KCNH5: variants seen among roughly 807,000 people sequenced by gnomAD.
KCNH5 encodes voltage-gated delayed rectifier potassium channel KCNH5.
Under a neutral mutation model 96.1 loss-of-function variants are expected in KCNH5, and 46 were observed. That is an observed-to-expected ratio of 0.48 (90% confidence interval 0.38 to 0.61). The LOEUF (loss-of-function observed/expected upper bound fraction) is 0.61. Ranked by LOEUF, KCNH5 falls within the 20% of genes least tolerant of loss-of-function variation. The pLI, the probability that KCNH5 is intolerant of heterozygous loss-of-function variation, is 0.00. For missense variants in KCNH5, 907 were observed against 1,225.8 expected, an observed-to-expected ratio of 0.74 and a Z score of 3.88; for synonymous variants, 439 against 449.8, an observed-to-expected ratio of 0.98 and a Z score of 0.30.
intron 4 of KCNH5, among the ~76,000 whole-genome samples, chr14:62,998,075 G>A (rs1054937211): frequency 2.0e-5 from 3 of 151,904 alleles, no homozygotes; most frequent in South Asian, 2.1e-4. Context: ...TTCCCTAAAC[G>A]TATGGTAGCG....
intron 8 of KCNH5, among the ~76,000 whole-genome samples, chr14:62,810,803 T>C (rs1029158895): frequency 2.0e-5 from 3 of 152,156 alleles, no homozygotes; most frequent in Admixed American, 2.0e-4. Flanking sequence ...GGAGTAGCCA[T>C]TCTTTCACTC....
chr14:62,699,536 A>G lies in KCNH5; in HGVS notation c.*7972T>C, dbSNP rs908586569. On this transcript the variant is annotated 3_prime_UTR_variant, in exon 11 of 11. Coordinates refer to ENST00000322893, the MANE Select transcript of KCNH5 (RefSeq NM_139318.5). ...TTTAAATAAAGTGTGAAAAAAAGCA[A>G]AGTTAGTCCTCCCTGATGAAATACA... The G allele has an allele frequency of 6.6e-6, 1 of 152,186 alleles. No individual in the cohort carries two copies. Among genetic ancestry groups the G allele is most frequent in the Admixed American group, 6.5e-5 (1 of 15,282 alleles). The allele number at this position is 152,186 out of a possible 1,614,324, so 9.4% of individuals were successfully genotyped here. A position where few individuals can be genotyped will look rare whatever the true frequency, so the allele number is the denominator to read the frequency against.
At chr14:62,774,805 T>C (rs1886062076) in intron 10 of KCNH5, among the ~76,000 whole-genome samples, 1 of 152,194 alleles carries the variant, frequency 6.6e-6, no homozygotes, top group African/African-American at 2.4e-5. Context: ...TGTGTTCTTA[T>C]TATTGAAAAA....
chr14:63,044,721 CA>C (rs537668813), intron 1 of KCNH5, among the ~76,000 whole-genome samples: 1 of 152,336 alleles, frequency 6.6e-6, no homozygotes, highest in East Asian at 1.9e-4. Context: ...GAAACCTTTC[CA>C]CTGAGATTAA....
At chr14:62,832,210 A>G (rs1000790300) in intron 8 of KCNH5, among the ~76,000 whole-genome samples, 1 of 152,236 alleles carries the variant, frequency 6.6e-6, no homozygotes, top group Non-Finnish European at 1.5e-5. Context: ...AGTAATAATT[A>G]TAAGCATAAT....
intron 7 of KCNH5, among the ~76,000 whole-genome samples, chr14:62,899,421 G>A (rs1019979081): frequency 2.0e-5 from 3 of 151,714 alleles, no homozygotes; most frequent in African/African-American, 7.3e-5. Flanking sequence ...AAATGATCTC[G>A]CCAAAAAATA....
chr14:62,816,414 C>G (rs950493914), intron 8 of KCNH5, among the ~76,000 whole-genome samples: 3 of 151,930 alleles, frequency 2.0e-5, no homozygotes, highest in Admixed American at 2.0e-4. Context: ...ACAAGCTCTT[C>G]CTTTCACTCT....
intron 10 of KCNH5, among the ~76,000 whole-genome samples, chr14:62,711,351 C>G (rs1165405891): frequency 2.6e-5 from 4 of 152,068 alleles, no homozygotes; most frequent in Admixed American, 1.3e-4. Context: ...GATTTCTCAC[C>G]TATACTAGGG....
At chr14:63,019,725 T>C (rs1417589749) in intron 1 of KCNH5, among the ~76,000 whole-genome samples, 2 of 152,052 alleles carry the variant, frequency 1.3e-5, no homozygotes, top group Non-Finnish European at 2.9e-5. Flanking sequence ...ATTATAAACC[T>C]TCTAGAAGAA....
intron 7 of KCNH5, among the ~76,000 whole-genome samples, chr14:62,891,019 T>C (rs1888701169): frequency 6.6e-6 from 1 of 152,170 alleles, no homozygotes; most frequent in South Asian, 2.1e-4. Context: ...GAGCTAAAAG[T>C]AGAACTGCCA....
intron 6 of KCNH5, among the ~76,000 whole-genome samples, chr14:62,961,990 GA>G (rs1372922106): frequency 6.6e-6 from 1 of 151,256 alleles, no homozygotes; most frequent in Non-Finnish European, 1.5e-5. Flanking sequence ...TAGAGATGCA[GA>G]TGCAGATGGA....
intron 1 of KCNH5, among the ~76,000 whole-genome samples, chr14:63,026,647 A>G (rs977662522): frequency 6.6e-6 from 1 of 152,118 alleles, no homozygotes; most frequent in African/African-American, 2.4e-5. Flanking sequence ...GATTAAAACC[A>G]CAATAAGATG....
chr14:62,825,837 C>T (rs962907925), intron 8 of KCNH5, among the ~76,000 whole-genome samples: 2 of 151,894 alleles, frequency 1.3e-5, no homozygotes, highest in Non-Finnish European at 1.5e-5. Context: ...TCCCTTACTT[C>T]CTCCCTCCTG....
intron 5 of KCNH5, among the ~76,000 whole-genome samples, chr14:62,986,596 C>G (rs1294397032): frequency 6.6e-6 from 1 of 152,134 alleles, no homozygotes; most frequent in African/African-American, 2.4e-5. Context: ...ACAGCCTTCC[C>G]TAGGGCCCCA....
chr14:63,038,085 C>G (rs578072529), intron 1 of KCNH5, among the ~76,000 whole-genome samples: 1 of 152,292 alleles, frequency 6.6e-6, no homozygotes, highest in East Asian at 1.9e-4. Flanking sequence ...CTGATTTGCC[C>G]TATGCAGTGT....
rs145312261 is a variant in KCNH5, at chr14:63,004,280, A to G, written c.304+2086T>C. 4.0e-3 allele frequency among the ~76,000 whole-genome samples: 608 copies of G among 152,338 alleles called. 5 individuals carry two copies. The highest frequency in any genetic ancestry group is 0.013 in the African/African-American group (543 of 41,576). On this transcript the variant is annotated intron_variant, in intron 3 of 10. Transcript: ENST00000322893. ...AGCTGCATTTAAATAGCAAAACTCC[A>G]TTATAATACATGGATAACACCTATC...
At chr14:62,770,453 T>G (rs189472172) in intron 10 of KCNH5, among the ~76,000 whole-genome samples, 1 of 152,372 alleles carries the variant, frequency 6.6e-6, no homozygotes, top group East Asian at 1.9e-4. Context: ...AATACAGGAT[T>G]GCTACTACGC....
At chr14:62,988,581 GTC>G (rs1286502167) in intron 4 of KCNH5, among the ~76,000 whole-genome samples, 1 of 151,914 alleles carries the variant, frequency 6.6e-6, no homozygotes, top group Non-Finnish European at 1.5e-5. Context: ...TTGATGGAGA[GTC>G]TTTATTTCTT....
rs186155895 is a variant in KCNH5, at chr14:62,910,324, G to A, written c.1369+39809C>T. 5.0e-4 allele frequency among the ~76,000 whole-genome samples: 76 copies of A among 152,246 alleles called. 2 individuals carry two copies. Among genetic ancestry groups the A allele is most frequent in the African/African-American group, 1.7e-3 (71 of 41,558 alleles). ...CATTAAAATTAGAGAAAGGAAAACAGATGCTCATTTTCACAGATACTAGTA... is the reference window on the plus strand; with the variant it reads ...CATTAAAATTAGAGAAAGGAAAACAAATGCTCATTTTCACAGATACTAGTA... On this transcript the variant is annotated intron_variant, in intron 7 of 10. Transcript: ENST00000322893.
Sources: allele counts gnomAD v4.1 joint callset (sites outside exome capture counted in the v4.1 genomes callset), GRCh38; gene constraint gnomAD v4.1.1; transcripts MANE v1.5; gene names NCBI Gene and HGNC (gene_info 2026-07-23, HGNC 2026-07-21).